ADCY9: variants seen among roughly 807,000 people sequenced by gnomAD.
ADCY9 encodes the protein adenylate cyclase type 9.
Under a neutral mutation model 101.5 loss-of-function variants are expected in ADCY9, and 50 were observed. That is an observed-to-expected ratio of 0.49 (90% CI 0.39 to 0.62). ADCY9 has a LOEUF of 0.62. ADCY9 is among the 20% of genes least tolerant of loss of function. ADCY9 has a pLI of 0.00. For synonymous variants in ADCY9, 905 were observed against 769.3 expected (o/e 1.18, Z -2.92); for missense variants, 1,662 against 1,800.4 (o/e 0.92, Z 1.39).
chr16:4,008,204 G>GAA (rs35824715), intron 2 of ADCY9, among the ~76,000 whole-genome samples: 4 of 139,406 alleles, frequency 2.9e-5, no homozygotes, highest in Admixed American at 7.2e-5. Context: ...CCCGCATATA[G>GAA]AAAAAAAAAA....
chr16:4,013,878 C>A (rs1272928914), intron 2 of ADCY9, among the ~76,000 whole-genome samples: 1 of 152,194 alleles, frequency 6.6e-6, no homozygotes, highest in East Asian at 1.9e-4. Context: ...CATTAAAATG[C>A]TCTCCGGAGG....
chr16:3,985,434 C>A (rs967859880), intron 6 of ADCY9, among the ~76,000 whole-genome samples: 2 of 152,172 alleles, frequency 1.3e-5, no homozygotes, highest in Non-Finnish European at 2.9e-5. Context: ...CTGTACCCGG[C>A]CAGGTGTAGG....
intron 2 of ADCY9, among the ~76,000 whole-genome samples, chr16:4,101,298 T>TTTC (rs2057041765): frequency 6.6e-6 from 1 of 151,322 alleles, no homozygotes; most frequent in African/African-American, 2.4e-5. Context: ...TTTTTTTTTT[T>TTTC]GAGACAGAGT....
At chr16:4,012,848 C>A (rs896528404) in intron 2 of ADCY9, among the ~76,000 whole-genome samples, 28 of 152,110 alleles carry the variant, frequency 1.8e-4, no homozygotes, top group Non-Finnish European at 2.8e-4. Context: ...GAGTGATGGG[C>A]GAGGCCCATT....
At chr16:4,103,204 G>C (rs543011269) in intron 2 of ADCY9, among the ~76,000 whole-genome samples, 3 of 152,350 alleles carry the variant, frequency 2.0e-5, no homozygotes, top group African/African-American at 7.2e-5. Context: ...ACATGAGAAT[G>C]CGTGTTTGGG....
chr16:4,062,833 C>T (rs1344028860), intron 2 of ADCY9, among the ~76,000 whole-genome samples: 1 of 152,102 alleles, frequency 6.6e-6, no homozygotes, highest in Non-Finnish European at 1.5e-5. Flanking sequence ...AATAGCAGAG[C>T]ACAAAATACA....
In ADCY9 at chr16:3,963,416, T is replaced by G. The variant is rs1038644439; in HGVS notation, c.*2359A>C. 4 of 398,424 alleles carry G rather than the reference T, an allele frequency of 1.0e-5. No individual in the cohort carries two copies. Among genetic ancestry groups the G allele is most frequent in the Non-Finnish European group, 1.8e-5 (4 of 225,826 alleles). The allele number at this position is 398,424 out of a possible 1,614,324, so 24.7% of individuals were successfully genotyped here. Reference sequence around the variant, plus strand: ...CTGTGGTTCTGCACTGAGGTATGCATCGGAGCAGGGGACGGGGAGGACCCG... The same window carrying G: ...CTGTGGTTCTGCACTGAGGTATGCAGCGGAGCAGGGGACGGGGAGGACCCG... On this transcript the variant is annotated 3_prime_UTR_variant, in exon 11 of 11. Coordinates refer to ENST00000294016, the MANE Select transcript of ADCY9 (RefSeq NM_001116.4).
chr16:3,956,192 A>G (rs901480585), intron 5 of ADCY9, among the ~76,000 whole-genome samples: 2 of 152,114 alleles, frequency 1.3e-5, no homozygotes, highest in Non-Finnish European at 2.9e-5. Context: ...GAGCAACTGC[A>G]CCCAGGCAAA....
intron 2 of ADCY9, among the ~76,000 whole-genome samples, chr16:4,105,262 A>G (rs1345386275): frequency 6.6e-6 from 1 of 152,210 alleles, no homozygotes; most frequent in African/African-American, 2.4e-5. Context: ...TTTAGAAAAG[A>G]TTTTTAAGCT....
chr16:3,980,584 C>G (rs1454384322), intron 7 of ADCY9, among the ~76,000 whole-genome samples: 1 of 152,210 alleles, frequency 6.6e-6, no homozygotes, highest in Non-Finnish European at 1.5e-5. Flanking sequence ...GGCCTGAACA[C>G]CTACCATGCC....
intron 2 of ADCY9, among the ~76,000 whole-genome samples, chr16:4,022,707 T>C (rs940326324): frequency 6.6e-6 from 1 of 151,968 alleles, no homozygotes; most frequent in Admixed American, 6.6e-5. Flanking sequence ...AGCAGAAGGA[T>C]TGCTTGAACC....
intron 2 of ADCY9, among the ~76,000 whole-genome samples, chr16:4,049,776 A>G (rs2056688850): frequency 6.6e-6 from 1 of 152,096 alleles, no homozygotes; most frequent in African/African-American, 2.4e-5. Context: ...CCTTTTTCTT[A>G]GCTTATGTTG....
intron 2 of ADCY9, among the ~76,000 whole-genome samples, chr16:4,089,855 G>T (rs540403918): frequency 2.8e-4 from 43 of 152,150 alleles, no homozygotes; most frequent in Non-Finnish European, 5.4e-4. Flanking sequence ...GGGGACCAGG[G>T]CACTTCCCAG....
intron 2 of ADCY9, among the ~76,000 whole-genome samples, chr16:4,028,944 G>A (rs1366103160): frequency 2.6e-5 from 4 of 151,888 alleles, no homozygotes; most frequent in African/African-American, 9.7e-5. Flanking sequence ...GCCACTGCAC[G>A]CGGCTAATTT....
chr16:4,001,505 A>G (rs2056330464), intron 3 of ADCY9, among the ~76,000 whole-genome samples: 1 of 152,172 alleles, frequency 6.6e-6, no homozygotes, highest in African/African-American at 2.4e-5. Context: ...TGAAGGTGGC[A>G]TCTGCCCGGT....
chr16:4,072,889 T>G (rs1447259311), intron 2 of ADCY9, among the ~76,000 whole-genome samples: 10 of 150,384 alleles, frequency 6.6e-5, no homozygotes, highest in Non-Finnish European at 7.4e-5. Context: ...AGCAGACTTC[T>G]CACCAAAACA....
intron 5 of ADCY9, among the ~76,000 whole-genome samples, chr16:3,989,555 T>G (rs1304553524): frequency 6.6e-6 from 1 of 152,190 alleles, no homozygotes; most frequent in African/African-American, 2.4e-5. Flanking sequence ...ATTTTTGTAT[T>G]TTTTAGCAGA....
intron 6 of ADCY9, among the ~76,000 whole-genome samples, chr16:3,984,828 C>T (rs1290996462): frequency 6.6e-5 from 10 of 152,176 alleles, no homozygotes; most frequent in East Asian, 5.8e-4. Context: ...ACGCACGGAG[C>T]GGAAAGGTCT....
intron 2 of ADCY9, among the ~76,000 whole-genome samples, chr16:4,065,711 G>C (rs1042335594): frequency 6.6e-6 from 1 of 152,216 alleles, no homozygotes; most frequent in African/African-American, 2.4e-5. Flanking sequence ...TGGGATTACA[G>C]GCATGAGCCA....
Sources: allele counts gnomAD v4.1 joint callset (sites outside exome capture counted in the v4.1 genomes callset), GRCh38; gene constraint gnomAD v4.1.1; transcripts MANE v1.5; gene names NCBI Gene and HGNC (gene_info 2026-07-23, HGNC 2026-07-21).